RARB: variants seen among roughly 807,000 people sequenced by gnomAD.
RARB encodes HBV-activated protein.
A neutral mutation model predicts 51.9 loss-of-function variants in RARB; 17 were observed. That is an observed-to-expected ratio of 0.33 (90% CI 0.22 to 0.49). The LOEUF (loss-of-function observed/expected upper bound fraction) is 0.49. RARB is among the 20% of genes least tolerant of loss of function. The pLI, the probability that RARB is intolerant of heterozygous loss-of-function variation, is 0.99. For missense variants in RARB, 369 were observed against 550.8 expected, an observed-to-expected ratio of 0.67 and a Z score of 3.30; for synonymous variants, 215 against 195.4, an observed-to-expected ratio of 1.10 and a Z score of -0.84.
chr3:25,362,155 G>A (rs1478768862), intron 5 of RARB, among the ~76,000 whole-genome samples: 10 of 152,162 alleles, frequency 6.6e-5, no homozygotes, highest in Non-Finnish European at 1.0e-4. Context: ...CCCTGTCTGG[G>A]GCTGCTGCCT....
At chr3:25,186,847 G>A (rs1417528531) in intron 5 of RARB, among the ~76,000 whole-genome samples, 1 of 149,478 alleles carries the variant, frequency 6.7e-6, no homozygotes, top group African/African-American at 2.5e-5. Flanking sequence ...ATATGCTTGG[G>A]AACCTTCAGA....
chr3:25,045,705 C>G (rs1455767025), intron 2 of RARB, among the ~76,000 whole-genome samples: 1 of 152,180 alleles, frequency 6.6e-6, no homozygotes, highest in African/African-American at 2.4e-5. Context: ...ATACAAAATT[C>G]ATTGTTAAGG....
intron 3 of RARB, among the ~76,000 whole-genome samples, chr3:25,086,712 G>A (rs1484872334): frequency 6.6e-6 from 1 of 152,030 alleles, no homozygotes; most frequent in Admixed American, 6.6e-5. Flanking sequence ...GGGAAGGAGG[G>A]GCACTTCCAG....
chr3:24,949,393 T>C (rs946055869), intron 2 of RARB, among the ~76,000 whole-genome samples: 3 of 152,180 alleles, frequency 2.0e-5, no homozygotes, highest in African/African-American at 7.2e-5. Context: ...AGACCTTCAA[T>C]TCGCCTACTA....
At chr3:24,890,849 A>T (rs996344945) in intron 2 of RARB, among the ~76,000 whole-genome samples, 1 of 131,790 alleles carries the variant, frequency 7.6e-6, no homozygotes, top group African/African-American at 3.4e-5. Context: ...CTGGAGTAAT[A>T]AAAAAAAATG....
intron 5 of RARB, among the ~76,000 whole-genome samples, chr3:25,278,526 C>T (rs1375090472): frequency 1.3e-5 from 2 of 152,202 alleles, no homozygotes; most frequent in Admixed American, 1.3e-4. Flanking sequence ...TACAGGGGTA[C>T]TGCCAAATAT....
At chr3:25,390,222 G>A (rs776505563) in intron 5 of RARB, among the ~76,000 whole-genome samples, 20 of 152,154 alleles carry the variant, frequency 1.3e-4, no homozygotes, top group Non-Finnish European at 1.9e-4. Flanking sequence ...GCCAGGTGCT[G>A]TGGTGCATGC....
intron 5 of RARB, among the ~76,000 whole-genome samples, chr3:25,241,449 T>C (rs1432231064): frequency 6.6e-6 from 1 of 152,172 alleles, no homozygotes; most frequent in African/African-American, 2.4e-5. Context: ...TTTCTCCTAA[T>C]GCTATGCCTC....
chr3:24,905,532 A>G (rs1694842841), intron 2 of RARB, among the ~76,000 whole-genome samples: 4 of 152,190 alleles, frequency 2.6e-5, no homozygotes, highest in Non-Finnish European at 5.9e-5. Flanking sequence ...CCAGTGAGAC[A>G]CTGGGGGAGA....
At chr3:25,118,729 G>A (rs1409953351) in intron 3 of RARB, among the ~76,000 whole-genome samples, 1 of 152,002 alleles carries the variant, frequency 6.6e-6, no homozygotes. Context: ...TTGGTGGAAG[G>A]ATACCTGGTT....
At chr3:24,912,334 C>A (rs1559393250) in intron 2 of RARB, among the ~76,000 whole-genome samples, 1 of 152,128 alleles carries the variant, frequency 6.6e-6, no homozygotes, top group Non-Finnish European at 1.5e-5. Flanking sequence ...CAAAAGGATT[C>A]ATGTACCCGT....
At chr3:25,280,363 GAGA>G (rs1408091411) in intron 5 of RARB, among the ~76,000 whole-genome samples, 1 of 152,126 alleles carries the variant, frequency 6.6e-6, no homozygotes, top group Non-Finnish European at 1.5e-5. Flanking sequence ...GAAGGATGAG[GAGA>G]AGGTGAGAGT....
chr3:24,986,333 T>G (rs1357026703), intron 2 of RARB, among the ~76,000 whole-genome samples: 2 of 152,234 alleles, frequency 1.3e-5, no homozygotes, highest in African/African-American at 4.8e-5. Flanking sequence ...TAGTCAAATT[T>G]CCAACTTCCG....
intron 5 of RARB, among the ~76,000 whole-genome samples, chr3:25,320,206 A>C (rs1704531235): frequency 6.6e-6 from 1 of 152,152 alleles, no homozygotes. Flanking sequence ...CTATGCAGTC[A>C]TTGAACATTG....
intron 3 of RARB, among the ~76,000 whole-genome samples, chr3:25,122,038 A>G (rs1480777080): frequency 6.6e-6 from 1 of 152,208 alleles, no homozygotes; most frequent in East Asian, 1.9e-4. Flanking sequence ...AAAGTCATTC[A>G]AAAGTTGAGT....
rs1342658290 is a variant in RARB at position 25,141,440 on chromosome 3, G to A, written c.-280+9232G>A. On this transcript the variant is annotated intron_variant, in intron 4 of 11. Coordinates refer to the RARB transcript ENST00000383772. ...GCTGACCCAATTTACCACTTTAGGT[G>A]GCCACTGATAGGTAGAATGATCTGC... Among the ~76,000 whole-genome samples the A allele has an allele frequency of 6.6e-5, 10 of 151,868 alleles. No homozygotes were observed. The East Asian group carries it at 7.7e-4, about 12-fold the overall frequency.
At chr3:25,270,402 C>T (rs1434245622) in intron 5 of RARB, among the ~76,000 whole-genome samples, 7 of 152,042 alleles carry the variant, frequency 4.6e-5, no homozygotes, top group Admixed American at 4.6e-4. Context: ...TATGTAATTC[C>T]ACTTATATGA....
chr3:24,931,172 T>C (rs940196179), intron 2 of RARB, among the ~76,000 whole-genome samples: 2 of 152,092 alleles, frequency 1.3e-5, no homozygotes, highest in East Asian at 3.9e-4. Context: ...CTGAATGTAT[T>C]CTAGGGAGAG....
intron 3 of RARB, among the ~76,000 whole-genome samples, chr3:25,546,956 GTTAAC>G (rs1359893982): frequency 3.9e-5 from 6 of 152,290 alleles, no homozygotes; most frequent in African/African-American, 1.4e-4. Context: ...ACTAGTGTGA[GTTAAC>G]TTATATAGCA....
Sources: allele counts gnomAD v4.1 joint callset (sites outside exome capture counted in the v4.1 genomes callset), GRCh38; gene constraint gnomAD v4.1.1; transcripts MANE v1.5; gene names NCBI Gene and HGNC (gene_info 2026-07-23, HGNC 2026-07-21).